Variants in MCTS1 observed in about 807,000 individuals in gnomAD.
MCTS1 encodes the protein MCTS1 re-initiation and release factor, also known as malignant T-cell-amplified sequence 1.
For missense variants in MCTS1, 55 were observed against 128.6 expected (o/e 0.43, Z 2.77); for synonymous variants, 26 against 40.8 (o/e 0.64, Z 1.38).
Position 120,614,837 on chromosome X carries a change from A to G in MCTS1, c.*2573A>G, listed in dbSNP as rs745694265. On this transcript the variant is annotated 3_prime_UTR_variant, in exon 6 of 6. Transcript: ENST00000371317. ...ATTAGCAATGAAAAACAAAGCACAC[A>G]TATACATACATTAGAGAAGTAAAAA... Among the ~76,000 whole-genome samples the G allele has an allele frequency of 4.6e-4, 52 of 112,686 alleles. No homozygotes were observed. Among genetic ancestry groups the G allele is most frequent in the South Asian group, 2.2e-3 (6 of 2,759 alleles).
intron 5 of MCTS1, chrX:120,611,355 C>A: frequency 4.7e-6 from 1 of 214,909 alleles, no homozygotes. Flanking sequence ...TATTTAGTAT[C>A]ATTTAAATTG....
rs981164320 is a variant in MCTS1, at chrX:120,617,795, A to G, written c.*5531A>G. Among the ~76,000 whole-genome samples the G allele has an allele frequency of 2.7e-5, 3 of 112,483 alleles. No homozygotes were observed. The East Asian group carries it at 8.3e-4, about 31-fold the overall frequency. On this transcript the variant is annotated 3_prime_UTR_variant, in exon 6 of 6. Coordinates refer to ENST00000371317, the MANE Select transcript of MCTS1 (RefSeq NM_014060.3). ...TTAATAATCTATGGTGAAATAGGTAATTTCTTCTTATTTTCACAAGCGTGT... is the reference window on the plus strand; with the variant it reads ...TTAATAATCTATGGTGAAATAGGTAGTTTCTTCTTATTTTCACAAGCGTGT...
At position 120,612,685 on chromosome X, in the gene MCTS1, G is replaced by A. The variant is rs7061615; in HGVS notation, c.*421G>A. On this transcript the variant is annotated 3_prime_UTR_variant, in exon 6 of 6. Transcript: ENST00000371317. ...CGTGTGTGTGTGTGTGTGTGTGTGT[G>A]TATGTGTGTGTGTGTGTGTGTGTGT... Among the ~76,000 whole-genome samples the A allele has an allele frequency of 2.1e-3, 68 of 33,070 alleles. 1 individual carries two copies. The highest frequency in any genetic ancestry group is 6.9e-3 in the Admixed American group (22 of 3,197). 28.7% of individuals were successfully genotyped at this position (33,070 alleles called of 115,157 possible).
At position 120,616,324 on chromosome X, in the gene MCTS1, T is replaced by TTGAC. The variant is rs10631208; in HGVS notation, c.*4060_*4061insTGAC. On this transcript the variant is annotated 3_prime_UTR_variant, in exon 6 of 6. Coordinates refer to ENST00000371317, the MANE Select transcript of MCTS1 (RefSeq NM_014060.3). The stretch of plus-strand genomic sequence containing the variant: ...GAAATCATACTTGTCATTGTAGAGA[T>TTGAC]GCATGTAAATTAAATGTATTATACA... 8.0e-5 allele frequency among the ~76,000 whole-genome samples: 9 copies of TTGAC among 112,052 alleles called. No individual in the cohort carries two copies. Among genetic ancestry groups the TTGAC allele is most frequent in the African/African-American group, 2.9e-4 (9 of 30,958 alleles).
intron 4 of MCTS1, 112 bp from the exon 5 acceptor site, chrX:120,610,899 G>A (rs1334660665): frequency 1.4e-6 from 1 of 739,971 alleles, no homozygotes; most frequent in Admixed American, 2.4e-5. Flanking sequence ...GAAGACACAA[G>A]AGGGGTTCCA....
At chrX:120,612,108 T>C in intron 5 of MCTS1, 75 bp from the exon 6 acceptor site, 1 of 761,739 alleles carries the variant, frequency 1.3e-6, no homozygotes, top group Non-Finnish European at 2.0e-6. Flanking sequence ...ACAATATACT[T>C]TGAATTATAT....
intron 1 of MCTS1, 47 bp from the exon 2 acceptor site, chrX:120,605,360 C>G: frequency 2.7e-6 from 3 of 1,103,869 alleles, no homozygotes; most frequent in Non-Finnish European, 3.6e-6. Context: ...ATTCTGATAC[C>G]TCTACTTAGA....
chrX:120,609,190 T>C (rs1011636638), intron 4 of MCTS1, among the ~76,000 whole-genome samples: 1 of 111,663 alleles, frequency 9.0e-6, no homozygotes, highest in African/African-American at 3.3e-5. Flanking sequence ...GTTTATCTTA[T>C]TTTAGTTTTT....
In MCTS1 at chrX:120,612,663, G is replaced by C. The variant is rs1926718441; in HGVS notation, c.*399G>C. On this transcript the variant is annotated 3_prime_UTR_variant, in exon 6 of 6. Coordinates refer to ENST00000371317, the MANE Select transcript of MCTS1 (RefSeq NM_014060.3). ...GGGACCCAGCAGTGCTCATTCTCGTGTGTGTGTGTGTGTGTGTGTGTGTAT... is the reference window on the plus strand; with the variant it reads ...GGGACCCAGCAGTGCTCATTCTCGTCTGTGTGTGTGTGTGTGTGTGTGTAT... Among the ~76,000 whole-genome samples the C allele has an allele frequency of 2.5e-5, 1 of 40,306 alleles. No individual in the cohort carries two copies. The highest frequency in any genetic ancestry group is 4.4e-5 in the Non-Finnish European group (1 of 22,931). 35.0% of individuals were successfully genotyped at this position (40,306 alleles called of 115,157 possible).
In MCTS1 at chrX:120,612,687, ATGTGTGTGTG is replaced by A. The variant is rs66864093; in HGVS notation, c.*439_*448del. 1.6e-4 allele frequency among the ~76,000 whole-genome samples: 15 copies of A among 93,679 alleles called. No individual in the cohort carries two copies. The highest frequency in any genetic ancestry group is 1.0e-3 in the East Asian group (3 of 2,987). 81.3% of individuals were successfully genotyped at this position (93,679 alleles called of 115,157 possible). On this transcript the variant is annotated 3_prime_UTR_variant, in exon 6 of 6. Transcript: ENST00000371317. ...TGTGTGTGTGTGTGTGTGTGTGTGT[ATGTGTGTGTG>A]TGTGTGTGTGTGTGTTTTGTTGATT...
Position 120,614,684 on chromosome X carries a change from C to G in MCTS1, c.*2420C>G, listed in dbSNP as rs1264915674. Among the ~76,000 whole-genome samples, 1 of 111,403 alleles carries G rather than the reference C, an allele frequency of 9.0e-6. No individual in the cohort carries two copies. The highest frequency in any genetic ancestry group is 1.9e-5 in the Non-Finnish European group (1 of 53,053). Reference sequence around the variant, plus strand: ...TCTCCCTATTTGGGGGAGGAGGCACCCTATTTGAGGCCTGTAGCTCCTTAT... The same window carrying G: ...TCTCCCTATTTGGGGGAGGAGGCACGCTATTTGAGGCCTGTAGCTCCTTAT... On this transcript the variant is annotated 3_prime_UTR_variant, in exon 6 of 6. Transcript: ENST00000371317.
Position 120,613,555 on chromosome X carries a change from C to T in MCTS1, c.*1291C>T, listed in dbSNP as rs1156436472. Among the ~76,000 whole-genome samples the T allele has an allele frequency of 9.8e-5, 11 of 112,042 alleles. No homozygotes were observed. Among genetic ancestry groups the T allele is most frequent in the Non-Finnish European group, 1.5e-4 (8 of 53,194 alleles). ...ATTTATAAGTTACCTTTTCTTTTCC[C>T]CCTTAAATTATTTAAGAAATCTAGT... On this transcript the variant is annotated 3_prime_UTR_variant, in exon 6 of 6. Coordinates refer to ENST00000371317, the MANE Select transcript of MCTS1 (RefSeq NM_014060.3).
rs1247773520 is a variant in MCTS1 at position 120,613,706 on chromosome X, C to A, written c.*1442C>A. 8.9e-6 allele frequency among the ~76,000 whole-genome samples: 1 copy of A among 111,760 alleles called. No individual in the cohort carries two copies. The highest frequency in any genetic ancestry group is 1.9e-5 in the Non-Finnish European group (1 of 53,211). ...AAATAAGATTGATCAGATTCAGGTT[C>A]AGTTTTTTTAGTGCCTTCTTTTGAG... On this transcript the variant is annotated 3_prime_UTR_variant, in exon 6 of 6. Transcript: ENST00000371317.
chrX:120,604,573 C>T (rs894132104), intron 1 of MCTS1: 6 of 707,662 alleles, frequency 8.5e-6, no homozygotes, highest in South Asian at 4.4e-5. Context: ...GAGGCATATT[C>T]TCTGTAGCTG....
chrX:120,609,343 C>T (rs1049195207), intron 4 of MCTS1, among the ~76,000 whole-genome samples: 2 of 110,447 alleles, frequency 1.8e-5, no homozygotes, highest in African/African-American at 6.6e-5. Context: ...CTACCACGCC[C>T]GGCTCATTTT....
At chrX:120,610,366 C>T (rs1056644795) in intron 4 of MCTS1, among the ~76,000 whole-genome samples, 1 of 109,384 alleles carries the variant, frequency 9.1e-6, no homozygotes, top group South Asian at 3.9e-4. Flanking sequence ...TATAATGCCA[C>T]CACTTTGGGA....
intron 4 of MCTS1, 100 bp from the exon 5 acceptor site, chrX:120,610,911 G>T: frequency 1.1e-6 from 1 of 881,236 alleles, no homozygotes; most frequent in South Asian, 2.1e-5. Context: ...GGGGTTCCAA[G>T]TGGCTTAACT....
chrX:120,615,168 C>T lies in MCTS1; in HGVS notation c.*2904C>T, dbSNP rs1926813549. On this transcript the variant is annotated 3_prime_UTR_variant, in exon 6 of 6. Coordinates refer to ENST00000371317, the MANE Select transcript of MCTS1 (RefSeq NM_014060.3). ...AAAGAGATTAAACTAGCAGATGTGT[C>T]AGCATCTTTAGATACTGTGCTTAAT... Among the ~76,000 whole-genome samples the T allele has an allele frequency of 8.9e-6, 1 of 112,363 alleles. No individual in the cohort carries two copies. The highest frequency in any genetic ancestry group is 9.5e-5 in the Admixed American group (1 of 10,531).
chrX:120,614,840 T>C lies in MCTS1; in HGVS notation c.*2576T>C, dbSNP rs186758708. Among the ~76,000 whole-genome samples the C allele has an allele frequency of 1.1e-3, 125 of 112,699 alleles. 1 individual carries two copies. Among genetic ancestry groups the C allele is most frequent in the African/African-American group, 3.8e-3 (117 of 31,120 alleles). On this transcript the variant is annotated 3_prime_UTR_variant, in exon 6 of 6. Transcript: ENST00000371317. ...AGCAATGAAAAACAAAGCACACATA[T>C]ACATACATTAGAGAAGTAAAAACTT...
Sources: allele counts gnomAD v4.1 joint callset (sites outside exome capture counted in the v4.1 genomes callset), GRCh38; gene constraint gnomAD v4.1.1; transcripts MANE v1.5; gene names NCBI Gene and HGNC (gene_info 2026-07-23, HGNC 2026-07-21).